Variants in RAB7A observed in about 807,000 individuals in gnomAD.
RAB7A encodes RAB7A, member RAS oncogene family, also known as ras-related protein Rab-7a.
Under a neutral mutation model 24.5 loss-of-function variants are expected in RAB7A, and 2 were observed. The ratio of observed to expected loss-of-function variants is 0.08; its 90% CI spans 0.03 to 0.26. The LOEUF is 0.26. RAB7A is among the 10% of genes least tolerant of loss of function. RAB7A has a pLI of 1.00. For synonymous variants in RAB7A, 100 were observed against 95.9 expected, an observed-to-expected ratio of 1.04 and a Z score of -0.25; for missense variants, 118 against 255.7, an observed-to-expected ratio of 0.46 and a Z score of 3.67.
Position 128,808,606 on chromosome 3 carries a change from G to A in RAB7A, c.528+935G>A, listed in dbSNP as rs576081697. ...CTAGAATTTCTTATTTACTGTTTCT[G>A]TGATTAGATACAACCACTCATGCGA... On this transcript the variant is annotated intron_variant, in intron 5 of 5. Transcript: ENST00000265062. Among the ~76,000 whole-genome samples the A allele has an allele frequency of 2.0e-5, 3 of 152,288 alleles. No homozygotes were observed. The South Asian group carries it at 6.2e-4, about 32-fold the overall frequency.
chr3:128,798,925 T>C, intron 3 of RAB7A: 1 of 270,796 alleles, frequency 3.7e-6, no homozygotes, highest in Non-Finnish European at 7.3e-6. Flanking sequence ...CAGTACAACC[T>C]CACTTTGAAA....
chr3:128,794,814 CATTGAGTATACAGTGGGG>C (rs771521920), intron 1 of RAB7A, among the ~76,000 whole-genome samples: 19 of 151,996 alleles, frequency 1.3e-4, no homozygotes, highest in Non-Finnish European at 2.4e-4. Flanking sequence ...TTCTACTTGG[CATTGAGTATACAGTGGGG>C]AGTAAAACTG....
At chr3:128,811,967 G>T (rs1332461718) in intron 5 of RAB7A, among the ~76,000 whole-genome samples, 1 of 152,158 alleles carries the variant, frequency 6.6e-6, no homozygotes, top group Non-Finnish European at 1.5e-5. Context: ...GAGACAGAAA[G>T]TAGATGAGTG....
chr3:128,802,961 C>T (rs951960157), intron 3 of RAB7A, among the ~76,000 whole-genome samples: 9 of 152,158 alleles, frequency 5.9e-5, no homozygotes, highest in African/African-American at 1.7e-4. Flanking sequence ...CCTGCCACCA[C>T]GCTTGGCTAA....
At position 128,734,339 on chromosome 3, in the gene RAB7A, G is replaced by A. The variant is rs77135986; in HGVS notation, c.-9+7980G>A. 4.8e-3 allele frequency among the ~76,000 whole-genome samples: 731 copies of A among 151,566 alleles called. 6 individuals carry two copies. Among genetic ancestry groups the A allele is most frequent in the African/African-American group, 0.017 (705 of 41,348 alleles). On this transcript the variant is annotated intron_variant, in intron 1 of 5. Coordinates refer to ENST00000265062, the MANE Select transcript of RAB7A (RefSeq NM_004637.6). ...CCAGCTACTTGGGAGGCTGAGACAT[G>A]ACAATCGCTCGAACCTGGGAGGTGG...
chr3:128,747,157 TG>T (rs886609047), intron 1 of RAB7A, among the ~76,000 whole-genome samples: 1 of 151,282 alleles, frequency 6.6e-6, no homozygotes, highest in Admixed American at 6.6e-5. Context: ...ATAGGCTTGT[TG>T]GTGTATATCT....
At chr3:128,813,284 T>C in intron 5 of RAB7A, 43 bp from the exon 6 acceptor site, 1 of 1,567,928 alleles carries the variant, frequency 6.4e-7, no homozygotes. Flanking sequence ...CTGAAATGTT[T>C]CTATTCCCTG....
At chr3:128,786,692 A>G (rs940879587) in intron 1 of RAB7A, among the ~76,000 whole-genome samples, 4 of 152,332 alleles carry the variant, frequency 2.6e-5, no homozygotes, top group South Asian at 2.1e-4. Context: ...CATATGTGCA[A>G]TAAGTCACAT....
chr3:128,794,497 A>T, intron 1 of RAB7A, among the ~76,000 whole-genome samples: 1 of 152,234 alleles, frequency 6.6e-6, no homozygotes, highest in East Asian at 1.9e-4. Context: ...CACTGCTGTC[A>T]GCCTTGCCTT....
At chr3:128,810,626 CTCT>C (rs141317956) in intron 5 of RAB7A, among the ~76,000 whole-genome samples, 7,680 of 151,996 alleles carry the variant, frequency 0.051, 536 homozygotes, top group African/African-American at 0.16. Context: ...CTGGTGTCAC[CTCT>C]TCTTATAAGG....
intron 1 of RAB7A, among the ~76,000 whole-genome samples, chr3:128,727,540 A>G (rs549025695): frequency 2.0e-5 from 3 of 152,316 alleles, no homozygotes; most frequent in African/African-American, 7.2e-5. Context: ...CTTATCACAC[A>G]TATTGTGGTG....
At chr3:128,792,865 A>C (rs1933488426) in intron 1 of RAB7A, among the ~76,000 whole-genome samples, 2 of 140,846 alleles carry the variant, frequency 1.4e-5, no homozygotes, top group South Asian at 4.5e-4. Flanking sequence ...TTATTTATTC[A>C]TTTGAGACAG....
intron 1 of RAB7A, among the ~76,000 whole-genome samples, chr3:128,733,518 AATTT>A (rs1196276642): frequency 6.6e-5 from 10 of 152,126 alleles, no homozygotes; most frequent in Non-Finnish European, 1.3e-4. Flanking sequence ...CTTAAACAGA[AATTT>A]ATTTTCTCAA....
At chr3:128,772,906 G>A (rs1041766414) in intron 1 of RAB7A, among the ~76,000 whole-genome samples, 2 of 152,250 alleles carry the variant, frequency 1.3e-5, no homozygotes, top group African/African-American at 4.8e-5. Flanking sequence ...GTGTTGCCCA[G>A]GCTGGAGTGC....
intron 2 of RAB7A, among the ~76,000 whole-genome samples, chr3:128,796,131 A>G (rs1213495994): frequency 6.6e-6 from 1 of 152,056 alleles, no homozygotes; most frequent in African/African-American, 2.4e-5. Flanking sequence ...AGAGCCTGGG[A>G]CGGCAGAACT....
At chr3:128,809,229 C>T (rs866959624) in intron 5 of RAB7A, among the ~76,000 whole-genome samples, 1 of 152,132 alleles carries the variant, frequency 6.6e-6, no homozygotes, top group Non-Finnish European at 1.5e-5. Context: ...ATTGTTAAAT[C>T]GGAGGGTGTA....
At chr3:128,749,774 C>T (rs564653501) in intron 1 of RAB7A, among the ~76,000 whole-genome samples, 7 of 152,182 alleles carry the variant, frequency 4.6e-5, no homozygotes, top group Admixed American at 3.9e-4. Context: ...TGCCTTCTGC[C>T]GTGATTGTGA....
At position 128,813,603 on chromosome 3, in the gene RAB7A, GCACACACA is replaced by G. The variant is rs139417205; in HGVS notation, c.*190_*197del. The G allele has an allele frequency of 2.0e-5, 10 of 512,774 alleles. No homozygotes were observed. The highest frequency in any genetic ancestry group is 2.6e-5 in the Non-Finnish European group (7 of 269,182). 31.8% of individuals were successfully genotyped at this position (512,774 alleles called of 1,614,324 possible). ...ATATCTCTCACACACACACACACACGCACACACACACACACAGATCTGACGTAATCAAA... is the reference window on the plus strand; with the variant it reads ...ATATCTCTCACACACACACACACACGCACACACAGATCTGACGTAATCAAA... On this transcript the variant is annotated 3_prime_UTR_variant, in exon 6 of 6. Coordinates refer to ENST00000265062, the MANE Select transcript of RAB7A (RefSeq NM_004637.6).
At chr3:128,768,210 C>G (rs1270120429) in intron 1 of RAB7A, among the ~76,000 whole-genome samples, 1 of 152,074 alleles carries the variant, frequency 6.6e-6, no homozygotes, top group Non-Finnish European at 1.5e-5. Context: ...GGGGGAGTAT[C>G]TGGCCTCATT....
Sources: gnomAD v4.1 joint callset for allele counts (sites outside exome capture counted in the v4.1 genomes callset) on GRCh38, gnomAD v4.1.1 for gene constraint, MANE v1.5 for transcripts, NCBI Gene and HGNC (gene_info 2026-07-23, HGNC 2026-07-21) for gene names.